Variants in GRK5 observed in about 807,000 individuals in gnomAD.
The protein encoded by GRK5 is g protein-coupled receptor kinase GRK5.
Under a neutral mutation model 78.4 loss-of-function variants are expected in GRK5, and 40 were observed. The ratio of observed to expected loss-of-function variants is 0.51; its 90% CI spans 0.40 to 0.66. The LOEUF is 0.66. Ranked by LOEUF, GRK5 falls within the 30% of genes least tolerant of loss-of-function variation. GRK5 has a pLI of 0.00. For missense variants in GRK5, 598 were observed against 759.9 expected, an observed-to-expected ratio of 0.79 and a Z score of 2.50; for synonymous variants, 289 against 296.8, an observed-to-expected ratio of 0.97 and a Z score of 0.27.
At chr10:119,245,487 C>T (rs1051349090) in intron 1 of GRK5, among the ~76,000 whole-genome samples, 3 of 152,138 alleles carry the variant, frequency 2.0e-5, no homozygotes, top group Non-Finnish European at 4.4e-5. Context: ...CATGTATGAA[C>T]TTGTAGGACA....
At chr10:119,432,731 A>C (rs897805318) in intron 8 of GRK5, among the ~76,000 whole-genome samples, 1 of 152,164 alleles carries the variant, frequency 6.6e-6, no homozygotes, top group Non-Finnish European at 1.5e-5. Context: ...GATAAAGCAT[A>C]ATCCATATAG....
At chr10:119,297,543 A>G (rs955744211) in intron 1 of GRK5, among the ~76,000 whole-genome samples, 5 of 152,376 alleles carry the variant, frequency 3.3e-5, no homozygotes, top group African/African-American at 1.2e-4. Flanking sequence ...ACTATGAAGT[A>G]GAACTGGTTA....
chr10:119,416,344 A>C (rs1334476542), intron 4 of GRK5, among the ~76,000 whole-genome samples: 1 of 152,244 alleles, frequency 6.6e-6, no homozygotes, highest in Admixed American at 6.5e-5. Flanking sequence ...CTGATAACTC[A>C]GCCACTGATA....
At chr10:119,240,588 T>C (rs1482423200) in intron 1 of GRK5, among the ~76,000 whole-genome samples, 3 of 152,166 alleles carry the variant, frequency 2.0e-5, no homozygotes, top group Non-Finnish European at 4.4e-5. Flanking sequence ...TGACCAGTGA[T>C]GATGAGCTTT....
chr10:119,280,597 G>A (rs1437137372), intron 1 of GRK5, among the ~76,000 whole-genome samples: 1 of 152,124 alleles, frequency 6.6e-6, no homozygotes, highest in Non-Finnish European at 1.5e-5. Context: ...TGGTGTATAA[G>A]TACCTGTTCC....
chr10:119,291,944 T>TTTCCTCCTTCTC (rs1554903431), intron 1 of GRK5, among the ~76,000 whole-genome samples: 1 of 114,260 alleles, frequency 8.8e-6, no homozygotes, highest in Non-Finnish European at 1.8e-5. Flanking sequence ...TCCTCCTCTT[T>TTTCCTCCTTCTC]TTCCTCCTTC....
intron 2 of GRK5, among the ~76,000 whole-genome samples, chr10:119,332,400 C>T (rs958745436): frequency 6.6e-5 from 10 of 152,190 alleles, no homozygotes; most frequent in African/African-American, 2.2e-4. Context: ...AGCCACTGCA[C>T]CCGGCCAGCT....
chr10:119,357,370 A>G (rs1851280001), intron 2 of GRK5, among the ~76,000 whole-genome samples: 1 of 152,180 alleles, frequency 6.6e-6, no homozygotes, highest in African/African-American at 2.4e-5. Context: ...TTCCCAGGGA[A>G]GTGGAAGCTG....
rs868716463 is a variant in GRK5 at position 119,223,247 on chromosome 10, C to T, written c.52+15278C>T. On this transcript the variant is annotated intron_variant, in intron 1 of 15. Coordinates refer to ENST00000392870, the MANE Select transcript of GRK5 (RefSeq NM_005308.3). ...TATCCTTTGTATAAGGACACCAGTG[C>T]TATTGGATCATGGCCCACTTGAATG... 2.9e-4 allele frequency among the ~76,000 whole-genome samples: 44 copies of T among 152,300 alleles called. 1 individual carries two copies. In the Middle Eastern group the frequency reaches 0.024, roughly 82 times the overall value.
chr10:119,237,251 T>C (rs1848950405), intron 1 of GRK5, among the ~76,000 whole-genome samples: 2 of 151,952 alleles, frequency 1.3e-5, no homozygotes, highest in African/African-American at 4.8e-5. Context: ...TTAGTAGAAA[T>C]GGGGTTTCAT....
rs776463418 is a variant in GRK5, at chr10:119,425,095, C to T, written c.533+10C>T. The T allele has an allele frequency of 1.9e-6, 3 of 1,573,174 alleles. No homozygotes were observed. Among genetic ancestry groups the T allele is most frequent in the Middle Eastern group, 1.7e-4 (1 of 5,972 alleles). On this transcript the variant is annotated intron_variant, in intron 6 of 15. Coordinates refer to ENST00000392870, the MANE Select transcript of GRK5 (RefSeq NM_005308.3). ...GGAAGTGGTTGGAAAGGTGAGTCCA[C>T]CACACCCCATACAGATCAGGGAGGC... is the stretch of plus-strand genomic sequence containing the variant.
At chr10:119,235,820 C>G (rs1296505935) in intron 1 of GRK5, among the ~76,000 whole-genome samples, 1 of 152,102 alleles carries the variant, frequency 6.6e-6, no homozygotes, top group Non-Finnish European at 1.5e-5. Context: ...ACAATAGGTG[C>G]TCAATAAGTA....
chr10:119,345,946 CT>C (rs1422384108), intron 2 of GRK5, among the ~76,000 whole-genome samples: 2 of 152,064 alleles, frequency 1.3e-5, no homozygotes, highest in African/African-American at 4.8e-5. Context: ...CCTGGCCAAG[CT>C]TTACCTCCAA....
At chr10:119,229,531 A>G (rs1848792848) in intron 1 of GRK5, among the ~76,000 whole-genome samples, 1 of 152,140 alleles carries the variant, frequency 6.6e-6, no homozygotes, top group South Asian at 2.1e-4. Context: ...AGTCAATTGA[A>G]CTGACATGAT....
At chr10:119,383,845 T>C (rs1851751474) in intron 3 of GRK5, among the ~76,000 whole-genome samples, 1 of 152,112 alleles carries the variant, frequency 6.6e-6, no homozygotes, top group Non-Finnish European at 1.5e-5. Flanking sequence ...TGTGATTCCT[T>C]TTACTGGGAC....
intron 1 of GRK5, among the ~76,000 whole-genome samples, chr10:119,280,249 A>C (rs1164549084): frequency 6.6e-6 from 1 of 152,236 alleles, no homozygotes; most frequent in Non-Finnish European, 1.5e-5. Context: ...TATCCCAAAC[A>C]TGCTTTGTCT....
chr10:119,393,684 T>C (rs1453868891), intron 3 of GRK5, among the ~76,000 whole-genome samples: 1 of 152,106 alleles, frequency 6.6e-6, no homozygotes, highest in Non-Finnish European at 1.5e-5. Flanking sequence ...GGCTCTAGAG[T>C]GCTCAGCCCC....
chr10:119,345,045 T>G (rs1851066058), intron 2 of GRK5, among the ~76,000 whole-genome samples: 1 of 149,566 alleles, frequency 6.7e-6, no homozygotes, highest in African/African-American at 2.4e-5. Flanking sequence ...CTCGGCTCAC[T>G]GCAACCTCCA....
At position 119,457,876 on chromosome 10, in the gene GRK5, TG is replaced by T. The variant is rs11377609; in HGVS notation, c.*2819del. 9.8e-3 allele frequency: 1,403 copies of T among 142,646 alleles called. 23 individuals carry two copies. Among genetic ancestry groups the T allele is most frequent in the African/African-American group, 0.031 (1,208 of 38,828 alleles). 8.8% of individuals were successfully genotyped at this position (142,646 alleles called of 1,614,324 possible). ...TAATTTTTAAAATTTTTTGTAGAGA[TG>T]GGGGGGGGGTCTCCCCATGTTGCCC... On this transcript the variant is annotated 3_prime_UTR_variant, in exon 16 of 16. Coordinates refer to ENST00000392870, the MANE Select transcript of GRK5 (RefSeq NM_005308.3).
Sources: gnomAD v4.1 joint callset for allele counts (sites outside exome capture counted in the v4.1 genomes callset) on GRCh38, gnomAD v4.1.1 for gene constraint, MANE v1.5 for transcripts, NCBI Gene and HGNC (gene_info 2026-07-23, HGNC 2026-07-21) for gene names.